LAMA2: variants seen among roughly 807,000 people sequenced by gnomAD.
LAMA2 encodes the protein laminin subunit alpha 2, also known as laminin subunit alpha-2.
Under a neutral mutation model 364.8 loss-of-function variants are expected in LAMA2, and 269 were observed. That is an observed-to-expected ratio of 0.74 (90% CI 0.67 to 0.82). The LOEUF (loss-of-function observed/expected upper bound fraction) is 0.82. Ranked by LOEUF, LAMA2 falls within the 40% of genes least tolerant of loss-of-function variation. The pLI, the probability that LAMA2 is intolerant of heterozygous loss-of-function variation, is 0.00. For synonymous variants in LAMA2, 1,379 were observed against 1,370.6 expected (o/e 1.01, Z -0.14); for missense variants, 3,807 against 3,873.2 (o/e 0.98, Z 0.45).
chr6:129,369,228 C>T (rs1777936771), intron 33 of LAMA2, among the ~76,000 whole-genome samples: 1 of 152,096 alleles, frequency 6.6e-6, no homozygotes, highest in South Asian at 2.1e-4. Flanking sequence ...CTACACAAAA[C>T]CCGCTATGGT....
chr6:129,013,298 G>A (rs1014305119), intron 1 of LAMA2, among the ~76,000 whole-genome samples: 2 of 152,092 alleles, frequency 1.3e-5, no homozygotes, highest in African/African-American at 2.4e-5. Flanking sequence ...TTAGCCCGGC[G>A]TGGTGGCGGG....
At chr6:129,396,368 A>G (rs1370275906) in intron 37 of LAMA2, among the ~76,000 whole-genome samples, 1 of 152,248 alleles carries the variant, frequency 6.6e-6, no homozygotes, top group Non-Finnish European at 1.5e-5. Flanking sequence ...CAAAAATAAC[A>G]GCATCATAGC....
chr6:129,228,392 A>G (rs1784464988), intron 12 of LAMA2, among the ~76,000 whole-genome samples: 2 of 152,120 alleles, frequency 1.3e-5, no homozygotes, highest in Admixed American at 6.5e-5. Flanking sequence ...TCAATTGGAA[A>G]TGTGGAAGTC....
intron 40 of LAMA2, among the ~76,000 whole-genome samples, chr6:129,418,258 C>T (rs1780900656): frequency 1.3e-5 from 2 of 151,996 alleles, no homozygotes. Context: ...TCCCCTCTCC[C>T]CAGGGAGCAG....
chr6:128,967,610 G>A (rs1781923212), intron 1 of LAMA2, among the ~76,000 whole-genome samples: 1 of 152,100 alleles, frequency 6.6e-6, no homozygotes, highest in South Asian at 2.1e-4. Context: ...AGTTAACCCT[G>A]CTCAAAAATG....
intron 12 of LAMA2, among the ~76,000 whole-genome samples, chr6:129,210,003 C>CAAAAAAAAAAAAAAAAAAAAAAA (rs374127279): frequency 7.4e-5 from 5 of 67,662 alleles, no homozygotes; most frequent in Non-Finnish European, 6.0e-5. Context: ...GACTCCATCT[C>CAAAAAAAAAAAAAAAAAAAAAAA]AAAAAAAAAA....
At chr6:129,315,206 A>C (rs1464145496) in intron 24 of LAMA2, among the ~76,000 whole-genome samples, 1 of 152,036 alleles carries the variant, frequency 6.6e-6, no homozygotes, top group Non-Finnish European at 1.5e-5. Context: ...TTCATTTTTC[A>C]TTTTCCTTTA....
At chr6:129,223,372 T>C (rs1417351857) in intron 12 of LAMA2, among the ~76,000 whole-genome samples, 1 of 152,248 alleles carries the variant, frequency 6.6e-6, no homozygotes, top group Non-Finnish European at 1.5e-5. Flanking sequence ...CAACTTTGGC[T>C]TTTGTTGCCC....
Position 129,443,073 on chromosome 6 carries a change from G to A in LAMA2, c.6274+5G>A, listed in dbSNP as rs367765202. 37 of 1,591,804 alleles carry A rather than the reference G, an allele frequency of 2.3e-5. No homozygotes were observed. The highest frequency in any genetic ancestry group is 1.7e-4 in the Middle Eastern group (1 of 5,722). ...TGAAATTGCCTGCAGAAATCAGTACGTATATGTTTACTTATATACCTTTTA... is the reference window on the plus strand; with the variant it reads ...TGAAATTGCCTGCAGAAATCAGTACATATATGTTTACTTATATACCTTTTA... On this transcript the variant is annotated splice_donor_5th_base_variant and intron_variant, in intron 44 of 64. Coordinates refer to ENST00000421865, the MANE Select transcript of LAMA2 (RefSeq NM_000426.4).
At chr6:129,427,908 A>G in intron 41 of LAMA2, 54 bp downstream of exon 41, 3 of 1,051,282 alleles carry the variant, frequency 2.9e-6, no homozygotes, top group South Asian at 2.5e-5. Context: ...TGTTACTGAT[A>G]AGATATTCTA....
intron 56 of LAMA2, among the ~76,000 whole-genome samples, chr6:129,489,566 G>T: frequency 6.6e-6 from 1 of 152,258 alleles, no homozygotes; most frequent in East Asian, 1.9e-4. Context: ...CAACTGAACT[G>T]AGTTTTTCTT....
chr6:128,917,507 C>T (rs1010218970), intron 1 of LAMA2, among the ~76,000 whole-genome samples: 4 of 152,008 alleles, frequency 2.6e-5, no homozygotes, highest in Non-Finnish European at 5.9e-5. Context: ...TGCTTCAGGA[C>T]TTACATATTG....
In LAMA2 at chr6:129,415,945, CTTTT is replaced by C. The variant is rs952225363; in HGVS notation, c.5866-11789_5866-11786del. On this transcript the variant is annotated intron_variant, in intron 40 of 64. Coordinates refer to ENST00000421865, the MANE Select transcript of LAMA2 (RefSeq NM_000426.4). ...TTTGCTGAAATTATACACTTTCTTT[CTTTT>C]TTTTTTTTTTTTTTTTTGAGACGGA... Among the ~76,000 whole-genome samples, 2 of 33,732 alleles carry C rather than the reference CTTTT, an allele frequency of 5.9e-5. 1 individual carries two copies. The highest frequency in any genetic ancestry group is 1.1e-4 in the Non-Finnish European group (2 of 18,950). The allele number at this position is 33,732 out of a possible 152,430, so 22.1% of individuals were successfully genotyped here. A position where few individuals can be genotyped will look rare whatever the true frequency, so the allele number is the denominator to read the frequency against.
At chr6:128,915,667 C>T (rs1206909458) in intron 1 of LAMA2, among the ~76,000 whole-genome samples, 6 of 152,030 alleles carry the variant, frequency 3.9e-5, no homozygotes, top group Non-Finnish European at 7.4e-5. Context: ...TAACTACACT[C>T]GATGGGAGTA....
chr6:129,039,508 A>C (rs1459960989), intron 1 of LAMA2, among the ~76,000 whole-genome samples: 1 of 152,218 alleles, frequency 6.6e-6, no homozygotes, highest in African/African-American at 2.4e-5. Flanking sequence ...GGCAACTCAC[A>C]AAAGTCTTTA....
chr6:128,908,096 C>CT (rs1176209780), intron 1 of LAMA2, among the ~76,000 whole-genome samples: 1 of 151,032 alleles, frequency 6.6e-6, no homozygotes, highest in African/African-American at 2.4e-5. Context: ...CTAAAATTCT[C>CT]TTTTTTGGTT....
Position 129,507,621 on chromosome 6 carries a change from G to A in LAMA2, c.8836G>A (p.Gly2946Arg), listed in dbSNP as rs370843758. Residue 2946 changes from glycine to arginine, a missense_variant, in exon 62 of 65, where the codon GGA becomes AGA. Gly to Arg is a moderately radical substitution (Grantham distance 125). Transcript: ENST00000421865. ...TGCTCAGAGGGGAACATATTTTGACGGAACCGGTTTTGCCAAAGCAGGTAA... is the reference window on the plus strand; with the variant it reads ...TGCTCAGAGGGGAACATATTTTGACAGAACCGGTTTTGCCAAAGCAGGTAA... ...ANAQRGTYFD[G>R]TGFAKAVGGF... The A allele has an allele frequency of 1.3e-4, 210 of 1,614,116 alleles. 1 individual carries two copies. Among genetic ancestry groups the A allele is most frequent in the South Asian group, 4.7e-4 (43 of 91,078 alleles).
intron 22 of LAMA2, among the ~76,000 whole-genome samples, chr6:129,309,259 GT>G (rs1298291478): frequency 6.6e-6 from 1 of 152,180 alleles, no homozygotes; most frequent in Non-Finnish European, 1.5e-5. Context: ...GGAATAGTGA[GT>G]AAATTCTCTA....
intron 58 of LAMA2, among the ~76,000 whole-genome samples, chr6:129,500,946 A>G (rs929185481): frequency 3.3e-5 from 5 of 152,180 alleles, no homozygotes; most frequent in African/African-American, 1.2e-4. Flanking sequence ...TTTAAGCTAC[A>G]TGTAATTGTT....
Sources: allele counts gnomAD v4.1 joint callset (sites outside exome capture counted in the v4.1 genomes callset), GRCh38; gene constraint gnomAD v4.1.1; transcripts MANE v1.5; gene names NCBI Gene and HGNC (gene_info 2026-07-23, HGNC 2026-07-21).